Variants in INTS9 observed in about 807,000 individuals in gnomAD.
INTS9 encodes the protein integrator complex subunit 9.
Under a neutral mutation model 79.7 loss-of-function variants are expected in INTS9, and 55 were observed. That is an observed-to-expected ratio of 0.69 (90% CI 0.56 to 0.86). The LOEUF is 0.86. Ranked by LOEUF, INTS9 falls within the 40% of genes least tolerant of loss-of-function variation. The pLI, the probability that INTS9 is intolerant of heterozygous loss-of-function variation, is 0.00. For missense variants in INTS9, 721 were observed against 831.5 expected (o/e 0.87, Z 1.64); for synonymous variants, 319 against 325.2 (o/e 0.98, Z 0.20).
chr8:28,792,991 A>T (rs192158368), intron 10 of INTS9, among the ~76,000 whole-genome samples: 1 of 151,804 alleles, frequency 6.6e-6, no homozygotes, highest in Non-Finnish European at 1.5e-5. Flanking sequence ...CACAGCGGGG[A>T]AAAAAACGAC....
At chr8:28,812,563 C>A in intron 7 of INTS9, 102 bp from the exon 8 acceptor site, 1 of 1,303,532 alleles carries the variant, frequency 7.7e-7, no homozygotes. Context: ...AGTTTAAAAA[C>A]AAAAATTATT....
At chr8:28,846,641 A>T in intron 4 of INTS9, 106 bp downstream of exon 4, 1 of 828,186 alleles carries the variant, frequency 1.2e-6, no homozygotes, top group Non-Finnish European at 2.0e-6. Context: ...AGATTCATTT[A>T]AACTTGAAAA....
intron 9 of INTS9, among the ~76,000 whole-genome samples, chr8:28,795,437 C>T (rs1804151337): frequency 6.6e-6 from 1 of 151,844 alleles, no homozygotes; most frequent in Non-Finnish European, 1.5e-5. Flanking sequence ...GTCAGGAGTT[C>T]GAGACCAGAT....
intron 1 of INTS9, among the ~76,000 whole-genome samples, chr8:28,863,890 T>C (rs1808587576): frequency 6.6e-6 from 1 of 152,254 alleles, no homozygotes; most frequent in African/African-American, 2.4e-5. Flanking sequence ...ACTACTATAG[T>C]ATCTGTATTT....
At chr8:28,789,805 G>C (rs545147570) in intron 10 of INTS9, among the ~76,000 whole-genome samples, 317 of 152,266 alleles carry the variant, frequency 2.1e-3, no homozygotes, top group African/African-American at 7.3e-3. Context: ...TTGAGACCAG[G>C]AGGTTGAGGC....
chr8:28,822,906 A>G (rs2131110035), intron 6 of INTS9, among the ~76,000 whole-genome samples: 1 of 152,182 alleles, frequency 6.6e-6, no homozygotes, highest in African/African-American at 2.4e-5. Flanking sequence ...TTTACTTCCC[A>G]CACACTCTTT....
At chr8:28,821,537 A>C (rs1585414048) in intron 6 of INTS9, among the ~76,000 whole-genome samples, 2 of 151,948 alleles carry the variant, frequency 1.3e-5, no homozygotes, top group African/African-American at 4.8e-5. Flanking sequence ...AACACCTGAC[A>C]AGGCTTTCAG....
chr8:28,830,486 T>C (rs1806416251), intron 6 of INTS9, among the ~76,000 whole-genome samples: 1 of 151,922 alleles, frequency 6.6e-6, no homozygotes, highest in South Asian at 2.1e-4. Context: ...TTAGCGGGCA[T>C]GGTGGTGGGC....
At position 28,778,832 on chromosome 8, in the gene INTS9, G is replaced by A. The variant is rs147074595; in HGVS notation, c.1271-879C>T. 2.6e-3 allele frequency among the ~76,000 whole-genome samples: 400 copies of A among 152,300 alleles called. 3 individuals carry two copies. Among genetic ancestry groups the A allele is most frequent in the African/African-American group, 9.1e-3 (378 of 41,562 alleles). On this transcript the variant is annotated intron_variant, in intron 12 of 16. Transcript: ENST00000521022. The stretch of plus-strand genomic sequence containing the variant: ...GTTGTCAGGACAAACTGGCAGAGCT[G>A]CCAGGTACATAAATGCCCATTCCAG...
intron 6 of INTS9, among the ~76,000 whole-genome samples, chr8:28,814,873 C>T (rs1215950543): frequency 6.6e-6 from 1 of 152,138 alleles, no homozygotes; most frequent in African/African-American, 2.4e-5. Flanking sequence ...GATTCTAACG[C>T]AGAGGATTCC....
Position 28,805,301 on chromosome 8 carries a change from C to T in INTS9, c.744+7026G>A, listed in dbSNP as rs181223911. On this transcript the variant is annotated intron_variant, in intron 8 of 16. Coordinates refer to ENST00000521022, the MANE Select transcript of INTS9 (RefSeq NM_018250.4). ...TCATATTTCCAAAGCTTTATCCTAT[C>T]GAAGTTTTTTGCCTTTGATTTTTAA... Among the ~76,000 whole-genome samples the T allele has an allele frequency of 4.6e-5, 7 of 152,220 alleles. No individual in the cohort carries two copies. In the East Asian group the frequency reaches 1.2e-3, roughly 25 times the overall value.
At chr8:28,865,599 A>G (rs901291707) in intron 1 of INTS9, among the ~76,000 whole-genome samples, 5 of 152,224 alleles carry the variant, frequency 3.3e-5, no homozygotes, top group African/African-American at 1.2e-4. Context: ...CAAGCAACGT[A>G]GCCTCAAAAT....
chr8:28,784,057 G>A (rs1177103655), intron 11 of INTS9: 1 of 152,228 alleles, frequency 6.6e-6, no homozygotes, highest in South Asian at 2.1e-4. Flanking sequence ...CAGTGGAAAT[G>A]AAGCTGTGGG....
chr8:28,837,346 T>C (rs1451079527), intron 5 of INTS9, among the ~76,000 whole-genome samples: 1 of 152,216 alleles, frequency 6.6e-6, no homozygotes, highest in Non-Finnish European at 1.5e-5. Flanking sequence ...GTGGCATCTT[T>C]CTAAACATTA....
chr8:28,804,394 G>A (rs773723416), intron 8 of INTS9, among the ~76,000 whole-genome samples: 3 of 152,190 alleles, frequency 2.0e-5, no homozygotes, highest in Non-Finnish European at 4.4e-5. Context: ...GGAGAGGCTG[G>A]GTAAAAACCC....
intron 4 of INTS9, among the ~76,000 whole-genome samples, chr8:28,840,217 A>C (rs2131203005): frequency 6.6e-6 from 1 of 151,656 alleles, no homozygotes; most frequent in South Asian, 2.1e-4. Context: ...GCCATCAGAG[A>C]AATGCAAATG....
intron 1 of INTS9, among the ~76,000 whole-genome samples, chr8:28,888,521 G>T (rs185555178): frequency 3.3e-4 from 50 of 152,210 alleles, no homozygotes; most frequent in Non-Finnish European, 4.4e-5. Context: ...CTGCACTTCA[G>T]TCTGGGCCCC....
At chr8:28,801,298 A>T (rs991385697) in intron 8 of INTS9, among the ~76,000 whole-genome samples, 7 of 152,174 alleles carry the variant, frequency 4.6e-5, no homozygotes, top group African/African-American at 1.7e-4. Context: ...AACCAGCCTC[A>T]GCAACATGGC....
chr8:28,782,344 A>T (rs1233521399), intron 11 of INTS9, among the ~76,000 whole-genome samples: 1 of 152,232 alleles, frequency 6.6e-6, no homozygotes, highest in Non-Finnish European at 1.5e-5. Flanking sequence ...TGGTGACAGT[A>T]ACCACATTCG....
Sources: allele counts gnomAD v4.1 joint callset (sites outside exome capture counted in the v4.1 genomes callset), GRCh38; gene constraint gnomAD v4.1.1; transcripts MANE v1.5; gene names NCBI Gene and HGNC (gene_info 2026-07-23, HGNC 2026-07-21).